The following DGKE variants were observed in gnomAD, a reference collection of about 807,000 sequenced individuals.
DGKE encodes the protein DAG kinase epsilon.
Under a neutral mutation model 70.0 loss-of-function variants are expected in DGKE, and 53 were observed. The observed-to-expected ratio is 0.76, with a 90% CI of 0.61 to 0.95. The LOEUF is 0.95. DGKE is among the 40% of genes least tolerant of loss of function. The pLI is 0.00. For synonymous variants in DGKE, 291 were observed against 257.0 expected (o/e 1.13, Z -1.27); for missense variants, 655 against 706.9 (o/e 0.93, Z 0.83).
At chr17:56,855,490 A>G (rs9902250) in intron 7 of DGKE, among the ~76,000 whole-genome samples, 107,942 of 152,058 alleles carry the variant, frequency 0.71, 38,719 homozygotes, top group East Asian at 0.91. Flanking sequence ...CAAAGGCAGG[A>G]GAGCTGGTTA....
intron 7 of DGKE, among the ~76,000 whole-genome samples, chr17:56,855,731 C>T (rs1034396501): frequency 6.6e-6 from 1 of 152,120 alleles, no homozygotes; most frequent in Non-Finnish European, 1.5e-5. Context: ...GCTGGCCGGG[C>T]GCGGTGGCTC....
chr17:56,844,254 A>G (rs1402393635), intron 3 of DGKE, 76 bp downstream of exon 3: 3 of 976,952 alleles, frequency 3.1e-6, no homozygotes, highest in Non-Finnish European at 4.2e-6. Context: ...TAGTTAAGAC[A>G]GTATGTAAGA....
At position 56,861,829 on chromosome 17, in the gene DGKE, G is replaced by T; in HGVS notation, c.1323G>T (p.Leu441Phe). Residue 441 changes from leucine to phenylalanine, a missense_variant, in exon 10 of 12, where the codon TTG becomes TTT. Physicochemically the swap from Leu to Phe is conservative, Grantham distance 22 (BLOSUM62 0). Transcript: ENST00000284061. ...GTGAGCGAGTAGCACTGCCCAGCTT[G>T]GAAGGTATTATAGTTCTGAACATCG... Reference protein sequence around the residue: ...LDGERVALPSLEGIIVLNIGY... With the variant: ...LDGERVALPSFEGIIVLNIGY... The T allele has an allele frequency of 6.2e-7, 1 of 1,613,740 alleles. No individual in the cohort carries two copies.
rs368992473 is a variant in DGKE, at chr17:56,843,797, CA to C, written c.465-205del. 2.5e-3 allele frequency among the ~76,000 whole-genome samples: 275 copies of C among 109,386 alleles called. 4 individuals are homozygous for C. Among genetic ancestry groups the C allele is most frequent in the African/African-American group, 6.7e-3 (195 of 29,050 alleles). The allele number at this position is 109,386 out of a possible 152,430, so 71.8% of individuals were successfully genotyped here. A position where few individuals can be genotyped will look rare whatever the true frequency, so the allele number is the denominator to read the frequency against. ...TGGTGGACAGAGTGAGACCCTGTCT[CA>C]AAAAAAAAAAAAAAAAGTGCTGTTA... On this transcript the variant is annotated intron_variant, in intron 2 of 11. Coordinates refer to ENST00000284061, the MANE Select transcript of DGKE (RefSeq NM_003647.3).
chr17:56,849,475 C>T (rs943664413), intron 7 of DGKE, among the ~76,000 whole-genome samples: 75 of 152,098 alleles, frequency 4.9e-4, no homozygotes, highest in African/African-American at 1.8e-3. Context: ...GGAGTTGGTC[C>T]TTAAAAAAGC....
At chr17:56,846,807 C>T (rs1907314500) in intron 4 of DGKE, among the ~76,000 whole-genome samples, 1 of 152,070 alleles carries the variant, frequency 6.6e-6, no homozygotes, top group Non-Finnish European at 1.5e-5. Context: ...TACATCAGTT[C>T]TCTTTTTTCT....
At chr17:56,835,485 TG>T (rs1442989458) in intron 2 of DGKE, 9 of 559,142 alleles carry the variant, frequency 1.6e-5, no homozygotes, top group Non-Finnish European at 2.8e-5. Context: ...CCTGCCCTTT[TG>T]GGTAATAAAA....
intron 2 of DGKE, among the ~76,000 whole-genome samples, chr17:56,840,538 G>C (rs1906912247): frequency 6.6e-6 from 1 of 152,038 alleles, no homozygotes; most frequent in Admixed American, 6.5e-5. Flanking sequence ...ACCACACCTG[G>C]CCAATTATTT....
At position 56,867,622 on chromosome 17, in the gene DGKE, G is replaced by C. The variant is rs910362156; in HGVS notation, c.*4831G>C. 6.5e-6 allele frequency: 1 copy of C among 152,760 alleles called. No individual in the cohort carries two copies. The highest frequency in any genetic ancestry group is 1.5e-5 in the Non-Finnish European group (1 of 68,944). The allele number at this position is 152,760 out of a possible 1,614,324, so 9.5% of individuals were successfully genotyped here. ...CATCTCAAAAAAAAAAAGGCCGGGC[G>C]TGGTGGCTCACGCCTGTAATCCCAG... On this transcript the variant is annotated 3_prime_UTR_variant, in exon 12 of 12. Transcript: ENST00000284061.
At chr17:56,837,637 A>T (rs1906712837) in intron 2 of DGKE, among the ~76,000 whole-genome samples, 1 of 152,228 alleles carries the variant, frequency 6.6e-6, no homozygotes, top group African/African-American at 2.4e-5. Context: ...TAGGAATGAG[A>T]TATTTTGGAA....
At chr17:56,857,764 A>G (rs911116497) in intron 8 of DGKE, among the ~76,000 whole-genome samples, 31 of 152,236 alleles carry the variant, frequency 2.0e-4, no homozygotes, top group Middle Eastern at 6.8e-3. Flanking sequence ...AATTGGGAGA[A>G]AACACCATTT....
intron 8 of DGKE, among the ~76,000 whole-genome samples, chr17:56,857,560 A>T (rs1321684674): frequency 6.6e-6 from 1 of 152,196 alleles, no homozygotes; most frequent in Non-Finnish European, 1.5e-5. Context: ...ATAGTTACTA[A>T]GGTAATACGT....
At chr17:56,844,274 G>A (rs553029399) in intron 3 of DGKE, 96 bp downstream of exon 3, 125 of 781,476 alleles carry the variant, frequency 1.6e-4, no homozygotes, top group African/African-American at 4.7e-4. Context: ...AAGAATTGGT[G>A]CCAGGAATAA....
At chr17:56,861,648 G>A in intron 9 of DGKE, 143 bp from the exon 10 acceptor site, 2 of 984,146 alleles carry the variant, frequency 2.0e-6, no homozygotes, top group South Asian at 1.6e-5. Context: ...CAGATGAGAG[G>A]CCCTGAGTGA....
chr17:56,845,870 A>G (rs531946430), intron 4 of DGKE, 61 bp downstream of exon 4: 102 of 1,481,268 alleles, frequency 6.9e-5, no homozygotes, highest in Non-Finnish European at 9.1e-5. Context: ...TGCAATGATT[A>G]TTAATGCTTC....
At chr17:56,848,196 C>A in intron 5 of DGKE, 131 bp downstream of exon 5, 2 of 542,738 alleles carry the variant, frequency 3.7e-6, no homozygotes, top group Non-Finnish European at 5.1e-6. Context: ...CTCGCACTGT[C>A]ACCCAGGCTG....
rs1415355376 is a variant in DGKE at position 56,837,655 on chromosome 17, CAAAA to C, written c.464+2397_464+2400del. On this transcript the variant is annotated intron_variant, in intron 2 of 11. Transcript: ENST00000284061. Reference sequence around the variant, plus strand: ...GAATGAGATATTTTGGAAGGAGAAACAAAATAAATAGCTACTTAGAACCTTTAAA... The same window carrying C: ...GAATGAGATATTTTGGAAGGAGAAACTAAATAGCTACTTAGAACCTTTAAA... Among the ~76,000 whole-genome samples, 34 of 152,292 alleles carry C rather than the reference CAAAA, an allele frequency of 2.2e-4. No homozygotes were observed. The East Asian group carries it at 5.8e-3, about 26-fold the overall frequency.
At chr17:56,840,791 G>A (rs187028547) in intron 2 of DGKE, among the ~76,000 whole-genome samples, 3 of 151,810 alleles carry the variant, frequency 2.0e-5, no homozygotes, top group Non-Finnish European at 2.9e-5. Flanking sequence ...TGAACTGGGA[G>A]GGGGGGGAAT....
Position 56,848,735 on chromosome 17 carries a change from C to T in DGKE, c.928C>T (p.Leu310=). 2 of 1,614,114 alleles carry T rather than the reference C, an allele frequency of 1.2e-6. No homozygotes were observed. The highest frequency in any genetic ancestry group is 1.3e-5 in the African/African-American group (1 of 75,036). Residue 310 remains leucine, a synonymous_variant, in exon 6 of 12, where the codon CTG becomes TTG. Transcript: ENST00000284061. ...KYIPQVAVLP[L]GTGNDLSNTL... ...CATTCCACAAGTTGCAGTTTTGCCT[C>T]TGGGAACAGGCAACGATCTATCCAA...
Sources: allele counts gnomAD v4.1 joint callset (sites outside exome capture counted in the v4.1 genomes callset), GRCh38; gene constraint gnomAD v4.1.1; transcripts MANE v1.5; gene names NCBI Gene and HGNC (gene_info 2026-07-23, HGNC 2026-07-21).